Variants in GALNTL6 observed in about 807,000 individuals in gnomAD.
GALNTL6 encodes polypeptide N-acetylgalactosaminyltransferase-like 6.
A neutral mutation model predicts 73.7 loss-of-function variants in GALNTL6; 46 were observed. The observed-to-expected ratio is 0.62, with a 90% confidence interval of 0.49 to 0.80. GALNTL6 has a LOEUF of 0.80. GALNTL6 is among the 30% of genes least tolerant of loss of function. GALNTL6 has a pLI of 0.00. For missense variants in GALNTL6, 604 were observed against 755.0 expected, an observed-to-expected ratio of 0.80 and a Z score of 2.34; for synonymous variants, 259 against 263.7, an observed-to-expected ratio of 0.98 and a Z score of 0.17.
At chr4:172,281,068 C>T (rs182247997) in intron 3 of GALNTL6, among the ~76,000 whole-genome samples, 100 of 151,942 alleles carry the variant, frequency 6.6e-4, no homozygotes, top group African/African-American at 2.2e-3. Flanking sequence ...ACTTAGGAGG[C>T]TGAGGCAGGA....
intron 4 of GALNTL6, among the ~76,000 whole-genome samples, chr4:172,338,484 T>C (rs1464748994): frequency 1.3e-5 from 2 of 152,124 alleles, no homozygotes; most frequent in African/African-American, 4.8e-5. Flanking sequence ...TCTACCCCCT[T>C]CCTGGGGGGT....
intron 5 of GALNTL6, among the ~76,000 whole-genome samples, chr4:172,526,994 T>G (rs2110833973): frequency 6.6e-6 from 1 of 152,308 alleles, no homozygotes; most frequent in South Asian, 2.1e-4. Flanking sequence ...ATACAGTCAC[T>G]AGAGACAGGG....
At chr4:172,551,141 T>C (rs1212876929) in intron 5 of GALNTL6, among the ~76,000 whole-genome samples, 1 of 152,204 alleles carries the variant, frequency 6.6e-6, no homozygotes, top group Non-Finnish European at 1.5e-5. Flanking sequence ...ATAGCAAGGA[T>C]TTAGAGTGTC....
intron 4 of GALNTL6, among the ~76,000 whole-genome samples, chr4:172,334,983 CTTTTT>C (rs34428087): frequency 7.1e-6 from 1 of 141,660 alleles, no homozygotes. Context: ...AATCATATGA[CTTTTT>C]TTTTTTTTTT....
At chr4:172,217,978 C>T (rs1477821213) in intron 2 of GALNTL6, among the ~76,000 whole-genome samples, 1 of 152,102 alleles carries the variant, frequency 6.6e-6, no homozygotes, top group African/African-American at 2.4e-5. Flanking sequence ...AAGGACTCCT[C>T]TTTATATAGA....
intron 2 of GALNTL6, among the ~76,000 whole-genome samples, chr4:172,138,480 T>C (rs113173439): frequency 0.012 from 42 of 3,594 alleles, 2 homozygotes; most frequent in African/African-American, 0.031. Context: ...GGACTGCCTA[T>C]ATATATATAT....
chr4:172,766,161 T>G (rs1003488055), intron 5 of GALNTL6, among the ~76,000 whole-genome samples: 8 of 152,176 alleles, frequency 5.3e-5, no homozygotes, highest in Admixed American at 5.2e-4. Flanking sequence ...TACACCTCTA[T>G]TCCATGTACA....
In GALNTL6 at chr4:172,080,148, T is replaced by G. The variant is rs564325590; in HGVS notation, c.139-149508T>G. ...AAGTTTCCCTTCCACAGCTTTGAAG[T>G]GCCACATTTACTTATTTACTTATTT... On this transcript the variant is annotated intron_variant, in intron 2 of 12. Transcript: ENST00000506823. Among the ~76,000 whole-genome samples the G allele has an allele frequency of 1.6e-4, 25 of 152,286 alleles. 1 individual carries two copies. The South Asian group carries it at 5.2e-3, about 32-fold the overall frequency.
intron 2 of GALNTL6, among the ~76,000 whole-genome samples, chr4:171,843,083 G>A (rs1245751870): frequency 6.6e-6 from 1 of 152,012 alleles, no homozygotes; most frequent in African/African-American, 2.4e-5. Context: ...TTAAAACAGA[G>A]GAGGGCTGGT....
chr4:172,077,275 T>C (rs1230528058), intron 2 of GALNTL6, among the ~76,000 whole-genome samples: 1 of 152,106 alleles, frequency 6.6e-6, no homozygotes, highest in African/African-American at 2.4e-5. Context: ...TTGAAACAGT[T>C]TGGAGGCCTC....
intron 5 of GALNTL6, among the ~76,000 whole-genome samples, chr4:172,533,000 T>G (rs1166825502): frequency 1.4e-5 from 2 of 147,412 alleles, no homozygotes; most frequent in African/African-American, 2.5e-5. Context: ...TTAAAAACAT[T>G]ACATTTTTGT....
At chr4:172,357,896 A>G (rs768425) in intron 5 of GALNTL6, among the ~76,000 whole-genome samples, 90,345 of 152,002 alleles carry the variant, frequency 0.59, 28,572 homozygotes, top group South Asian at 0.72. Context: ...TATTAAGTCC[A>G]TATCCAACTT....
intron 5 of GALNTL6, among the ~76,000 whole-genome samples, chr4:172,488,541 A>C (rs1159994263): frequency 6.6e-6 from 1 of 152,226 alleles, no homozygotes; most frequent in African/African-American, 2.4e-5. Flanking sequence ...ACAGTAAGAC[A>C]GCTTACCTGG....
At chr4:172,768,719 A>G (rs1738586539) in intron 5 of GALNTL6, among the ~76,000 whole-genome samples, 1 of 152,156 alleles carries the variant, frequency 6.6e-6, no homozygotes, top group Admixed American at 6.5e-5. Context: ...TATGTTACTG[A>G]GGTCTTAGGA....
chr4:172,875,699 ATTG>A (rs747739367), intron 7 of GALNTL6, among the ~76,000 whole-genome samples: 100 of 149,380 alleles, frequency 6.7e-4, no homozygotes, highest in Non-Finnish European at 1.2e-3. Context: ...GGAACCCTCC[ATTG>A]TTGTTAGATC....
chr4:172,619,781 C>T (rs1050277748), intron 5 of GALNTL6, among the ~76,000 whole-genome samples: 2 of 152,218 alleles, frequency 1.3e-5, no homozygotes, highest in Non-Finnish European at 1.5e-5. Context: ...AACAATATCC[C>T]GGAGTGTGTA....
At chr4:172,754,756 G>A (rs2110796645) in intron 5 of GALNTL6, among the ~76,000 whole-genome samples, 1 of 151,140 alleles carries the variant, frequency 6.6e-6, no homozygotes, top group Non-Finnish European at 1.5e-5. Flanking sequence ...AAATACTAAT[G>A]TTGGCCCAAC....
At chr4:172,893,711 A>T (rs1417352540) in intron 8 of GALNTL6, among the ~76,000 whole-genome samples, 2 of 152,204 alleles carry the variant, frequency 1.3e-5, no homozygotes, top group African/African-American at 2.4e-5. Context: ...GTCACTCAGA[A>T]CAAGATGGAG....
intron 7 of GALNTL6, among the ~76,000 whole-genome samples, chr4:172,822,097 G>C (rs755658946): frequency 6.6e-6 from 1 of 152,136 alleles, no homozygotes; most frequent in Non-Finnish European, 1.5e-5. Context: ...TCAACAGGAT[G>C]TTCCCTATGA....
Sources: allele counts gnomAD v4.1 joint callset (sites outside exome capture counted in the v4.1 genomes callset), GRCh38; gene constraint gnomAD v4.1.1; transcripts MANE v1.5; gene names NCBI Gene and HGNC (gene_info 2026-07-23, HGNC 2026-07-21).